The following CDH18 variants were observed in gnomAD, a reference collection of about 807,000 sequenced individuals.
CDH18 encodes the protein cadherin 18.
In CDH18, 31 loss-of-function variants were observed where a neutral mutation model predicts 67.9. The ratio of observed to expected loss-of-function variants is 0.46; its 90% CI spans 0.34 to 0.62. CDH18 has a LOEUF of 0.62. Among genes scored for constraint, CDH18 ranks in the 20% least tolerant of loss-of-function variants. The pLI is 0.01. For missense variants in CDH18, 890 were observed against 975.5 expected, an observed-to-expected ratio of 0.91 and a Z score of 1.17; for synonymous variants, 362 against 347.2, an observed-to-expected ratio of 1.04 and a Z score of -0.48.
rs78947894 is a variant in CDH18 at position 20,350,029 on chromosome 5, A to C, written c.-579-94524T>G. 4.5e-3 allele frequency among the ~76,000 whole-genome samples: 689 copies of C among 152,250 alleles called. 9 individuals are homozygous for C. The highest frequency in any genetic ancestry group is 0.016 in the African/African-American group (661 of 41,564). On this transcript the variant is annotated intron_variant, in intron 1 of 14. Transcript: ENST00000507958. ...CTCAACCTGGAAGCAGAAATAGTAA[A>C]GCCTGGCTCAAAAAATATTTTGAGT...
chr5:20,193,742 C>T (rs1303803354), intron 2 of CDH18, among the ~76,000 whole-genome samples: 2 of 152,096 alleles, frequency 1.3e-5, no homozygotes, highest in Non-Finnish European at 2.9e-5. Flanking sequence ...CATCAAAAAA[C>T]TTATCCACCA....
At chr5:19,972,611 C>T (rs1037155227) in intron 2 of CDH18, among the ~76,000 whole-genome samples, 1 of 151,836 alleles carries the variant, frequency 6.6e-6, no homozygotes, top group African/African-American at 2.4e-5. Flanking sequence ...CCACTACATA[C>T]CTGCCAAAAT....
Position 19,518,609 on chromosome 5 carries a change from G to C in CDH18, c.1512+2048C>G, listed in dbSNP as rs1306786753. Among the ~76,000 whole-genome samples, 5 of 152,256 alleles carry C rather than the reference G, an allele frequency of 3.3e-5. No homozygotes were observed. The East Asian group carries it at 9.7e-4, about 29-fold the overall frequency. On this transcript the variant is annotated intron_variant, in intron 10 of 12. Transcript: ENST00000382275. Reference sequence around the variant, plus strand: ...CGGCCCTCGTCTTTTTCCTGTGCTGGATCCTTCCTGACCTTGAACATCAGA... The same window carrying C: ...CGGCCCTCGTCTTTTTCCTGTGCTGCATCCTTCCTGACCTTGAACATCAGA...
At chr5:20,263,290 T>C (rs1307254065) in intron 1 of CDH18, among the ~76,000 whole-genome samples, 1 of 152,076 alleles carries the variant, frequency 6.6e-6, no homozygotes, top group Non-Finnish European at 1.5e-5. Flanking sequence ...TTTATTTGCG[T>C]AGTGTCAGAA....
intron 8 of CDH18, among the ~76,000 whole-genome samples, chr5:19,544,993 T>C (rs1736073272): frequency 6.6e-6 from 1 of 151,988 alleles, no homozygotes; most frequent in Non-Finnish European, 1.5e-5. Flanking sequence ...TTAAGACCCC[T>C]GAGTTTTGGA....
chr5:20,549,637 C>T (rs1372796847), intron 1 of CDH18, among the ~76,000 whole-genome samples: 1 of 152,068 alleles, frequency 6.6e-6, no homozygotes, highest in African/African-American at 2.4e-5. Flanking sequence ...TAACTCTGTT[C>T]TTTGAAGTAT....
intron 1 of CDH18, among the ~76,000 whole-genome samples, chr5:20,405,360 G>T (rs534279417): frequency 6.6e-6 from 1 of 152,262 alleles, no homozygotes; most frequent in Non-Finnish European, 1.5e-5. Context: ...TTAATAAATG[G>T]TGCTGGGAAA....
intron 5 of CDH18, among the ~76,000 whole-genome samples, chr5:19,696,195 G>A (rs1580918693): frequency 6.6e-6 from 1 of 151,676 alleles, no homozygotes; most frequent in East Asian, 2.0e-4. Context: ...AAAGAAGACT[G>A]AACATTTATA....
At chr5:19,612,195 A>G (rs935011979) in intron 6 of CDH18, among the ~76,000 whole-genome samples, 2 of 152,172 alleles carry the variant, frequency 1.3e-5, no homozygotes, top group Non-Finnish European at 2.9e-5. Flanking sequence ...ATCATTTTTA[A>G]TATTTAACTT....
chr5:19,854,272 A>C (rs1031754879), intron 2 of CDH18, among the ~76,000 whole-genome samples: 1 of 152,138 alleles, frequency 6.6e-6, no homozygotes, highest in African/African-American at 2.4e-5. Context: ...ATTTGGCAAG[A>C]CTGTGACCAG....
intron 2 of CDH18, among the ~76,000 whole-genome samples, chr5:20,095,478 GGA>G (rs1172386795): frequency 1.1e-4 from 11 of 101,606 alleles, no homozygotes; most frequent in Admixed American, 2.1e-4. Context: ...AAGGAAGGAA[GGA>G]GAGAGAGAGG....
chr5:20,351,191 T>TGTGTGTGCGCGCGCGCGC (rs1420969028), intron 1 of CDH18, among the ~76,000 whole-genome samples: 5 of 148,680 alleles, frequency 3.4e-5, no homozygotes, highest in African/African-American at 1.2e-4. Context: ...TGTGTGTGTG[T>TGTGTGTGCGCGCGCGCGC]GCGTGTGTGT....
intron 1 of CDH18, among the ~76,000 whole-genome samples, chr5:20,482,695 C>T (rs192686133): frequency 5.4e-4 from 82 of 152,096 alleles, no homozygotes; most frequent in Non-Finnish European, 6.6e-4. Context: ...TAAATTGATG[C>T]TGAAAAAGCA....
At chr5:20,251,372 T>C (rs965485111) in intron 2 of CDH18, among the ~76,000 whole-genome samples, 1 of 152,202 alleles carries the variant, frequency 6.6e-6, no homozygotes, top group Admixed American at 6.5e-5. Flanking sequence ...CACCGATAGA[T>C]AAAATTATGC....
intron 1 of CDH18, among the ~76,000 whole-genome samples, chr5:20,461,236 G>A (rs532338781): frequency 6.6e-6 from 1 of 152,208 alleles, no homozygotes; most frequent in East Asian, 1.9e-4. Flanking sequence ...CACCCTTCTG[G>A]TTCTTCTTCT....
chr5:19,810,437 T>G (rs967832907), intron 3 of CDH18, among the ~76,000 whole-genome samples: 1 of 152,048 alleles, frequency 6.6e-6, no homozygotes, highest in African/African-American at 2.4e-5. Flanking sequence ...TCGAAGAGCA[T>G]AGGATAATGA....
chr5:20,020,484 T>C (rs1738315606), intron 2 of CDH18, among the ~76,000 whole-genome samples: 1 of 152,128 alleles, frequency 6.6e-6, no homozygotes, highest in Non-Finnish European at 1.5e-5. Flanking sequence ...CAGGCAGGGC[T>C]CAGGAACCAG....
At chr5:19,674,247 A>G (rs536616097) in intron 5 of CDH18, among the ~76,000 whole-genome samples, 2 of 152,234 alleles carry the variant, frequency 1.3e-5, no homozygotes, top group Non-Finnish European at 2.9e-5. Context: ...AAAATGAAAG[A>G]CCTGTATTAA....
chr5:19,636,732 C>T (rs1209991006), intron 5 of CDH18, among the ~76,000 whole-genome samples: 2 of 151,706 alleles, frequency 1.3e-5, no homozygotes, highest in African/African-American at 4.8e-5. Flanking sequence ...CTTCCATATT[C>T]CATCAGAATT....
Sources: gnomAD v4.1 joint callset for allele counts (sites outside exome capture counted in the v4.1 genomes callset) on GRCh38, gnomAD v4.1.1 for gene constraint, MANE v1.5 for transcripts, NCBI Gene and HGNC (gene_info 2026-07-23, HGNC 2026-07-21) for gene names.